ZBTB16: variants seen among roughly 807,000 people sequenced by gnomAD.
ZBTB16 encodes the protein zinc finger and BTB domain containing 16.
Under a neutral mutation model 56.8 loss-of-function variants are expected in ZBTB16, and 8 were observed. The observed-to-expected ratio is 0.14, with a 90% CI of 0.08 to 0.25. ZBTB16 has a LOEUF of 0.25. Ranked by LOEUF, ZBTB16 falls within the 10% of genes least tolerant of loss-of-function variation. The pLI is 1.00. For missense variants in ZBTB16, 625 were observed against 903.0 expected (o/e 0.69, Z 3.95); for synonymous variants, 363 against 368.5 (o/e 0.98, Z 0.17).
intron 2 of ZBTB16, among the ~76,000 whole-genome samples, chr11:114,142,154 T>C (rs1941967129): frequency 6.6e-6 from 1 of 152,218 alleles, no homozygotes; most frequent in Non-Finnish European, 1.5e-5. Flanking sequence ...CATTATGAGG[T>C]TGTCTTTGCC....
In ZBTB16 at chr11:114,156,392, C is replaced by T. The variant is rs1171750312; in HGVS notation, c.1324C>T (p.Leu442=). 1.2e-6 allele frequency: 2 copies of T among 1,614,236 alleles called. No homozygotes were observed. Among genetic ancestry groups the T allele is most frequent in the South Asian group, 1.1e-5 (1 of 91,090 alleles). The change falls in exon 3 of 7, where the codon CTG becomes TTG. Residue 442 remains leucine (L), a synonymous_variant. Transcript: ENST00000335953. ...GTGCGAGCTCTGCGGGAAGCGGTTC[C>T]TGGATAGTTTGCGGCTGAGAATGCA... ...YGCELCGKRF[L]DSLRLRMHLL...
chr11:114,065,551 G>A (rs1380049315), intron 2 of ZBTB16, among the ~76,000 whole-genome samples: 3 of 152,144 alleles, frequency 2.0e-5, no homozygotes, highest in African/African-American at 4.8e-5. Flanking sequence ...CGAGTAGCTC[G>A]GATTACAGGC....
intron 3 of ZBTB16, among the ~76,000 whole-genome samples, chr11:114,183,042 C>T (rs552091632): frequency 3.7e-4 from 57 of 152,286 alleles, no homozygotes; most frequent in African/African-American, 1.1e-3. Context: ...TTGTCTGTCT[C>T]GCTCGGCTCC....
chr11:114,061,334 G>GT (rs1938851594), intron 1 of ZBTB16: 1 of 152,224 alleles, frequency 6.6e-6, no homozygotes, highest in Non-Finnish European at 1.5e-5. Context: ...TTGTTTCAGG[G>GT]CGCCAAGCTT....
intron 2 of ZBTB16, among the ~76,000 whole-genome samples, chr11:114,109,422 C>G (rs1940922177): frequency 6.6e-6 from 1 of 152,182 alleles, no homozygotes; most frequent in Non-Finnish European, 1.5e-5. Flanking sequence ...CAGCCAGGCT[C>G]TGTCCGCCAT....
intron 3 of ZBTB16, among the ~76,000 whole-genome samples, chr11:114,183,235 G>A (rs1447802665): frequency 6.6e-6 from 1 of 152,160 alleles, no homozygotes; most frequent in African/African-American, 2.4e-5. Context: ...TGAGGACAGG[G>A]GCTTTCACAT....
At chr11:114,133,156 C>T (rs183206125) in intron 2 of ZBTB16, among the ~76,000 whole-genome samples, 29 of 152,194 alleles carry the variant, frequency 1.9e-4, no homozygotes, top group African/African-American at 6.5e-4. Flanking sequence ...CCCTTCTTCA[C>T]AAAATTGACT....
intron 2 of ZBTB16, among the ~76,000 whole-genome samples, chr11:114,077,901 A>G (rs1010787042): frequency 2.0e-5 from 3 of 152,190 alleles, no homozygotes; most frequent in East Asian, 1.9e-4. Context: ...TTATCTTCCT[A>G]TATCAGCCCC....
chr11:114,072,350 T>TA (rs1939378685), intron 2 of ZBTB16, among the ~76,000 whole-genome samples: 1 of 152,198 alleles, frequency 6.6e-6, no homozygotes, highest in African/African-American at 2.4e-5. Context: ...AGTTCTCGTT[T>TA]AAATTTAGCC....
At chr11:114,085,559 G>T (rs1373804172) in intron 2 of ZBTB16, among the ~76,000 whole-genome samples, 2 of 152,146 alleles carry the variant, frequency 1.3e-5, no homozygotes, top group Non-Finnish European at 2.9e-5. Context: ...TTATATAAGT[G>T]AGGTATGGGG....
At chr11:114,067,977 C>A (rs1038061276) in intron 2 of ZBTB16, among the ~76,000 whole-genome samples, 2 of 150,092 alleles carry the variant, frequency 1.3e-5, no homozygotes, top group Non-Finnish European at 1.5e-5. Flanking sequence ...CTGTCTCCCC[C>A]CAACCCATCA....
chr11:114,255,797 G>C lies in ZBTB16; in HGVS notation c.*5242G>C, dbSNP rs2135230797. Reference sequence around the variant, plus strand: ...TTTTTCTCTCTCCATGTGTCACTAAGTGAAGTTTGTGCCTTCTATAGCAAA... The same window carrying C: ...TTTTTCTCTCTCCATGTGTCACTAACTGAAGTTTGTGCCTTCTATAGCAAA... On this transcript the variant is annotated 3_prime_UTR_variant, in exon 7 of 7. Transcript: ENST00000335953. 6.6e-6 allele frequency among the ~76,000 whole-genome samples: 1 copy of C among 151,112 alleles called. No individual in the cohort carries two copies. The highest frequency in any genetic ancestry group is 2.1e-4 in the South Asian group (1 of 4,786).
intron 2 of ZBTB16, among the ~76,000 whole-genome samples, chr11:114,093,866 A>T (rs188359896): frequency 5.3e-4 from 81 of 152,318 alleles, no homozygotes; most frequent in African/African-American, 1.7e-3. Context: ...ACAACATGTC[A>T]TATGCAACTG....
At chr11:114,072,279 T>A (rs1565609192) in intron 2 of ZBTB16, among the ~76,000 whole-genome samples, 1 of 152,250 alleles carries the variant, frequency 6.6e-6, no homozygotes, top group Non-Finnish European at 1.5e-5. Context: ...AGCTGATCTC[T>A]TGTACTGTGG....
intron 2 of ZBTB16, among the ~76,000 whole-genome samples, chr11:114,135,566 C>G (rs554458684): frequency 6.6e-6 from 1 of 152,118 alleles, no homozygotes; most frequent in African/African-American, 2.4e-5. Flanking sequence ...AGCCTCTAGA[C>G]ACTGAACAAG....
intron 2 of ZBTB16, among the ~76,000 whole-genome samples, chr11:114,098,140 A>T (rs937699236): frequency 6.6e-6 from 1 of 152,114 alleles, no homozygotes; most frequent in African/African-American, 2.4e-5. Flanking sequence ...TTTTATTCAC[A>T]TGAAAATTTA....
At chr11:114,235,745 T>C (rs892654660) in intron 4 of ZBTB16, among the ~76,000 whole-genome samples, 2 of 149,726 alleles carry the variant, frequency 1.3e-5, no homozygotes, top group African/African-American at 2.5e-5. Flanking sequence ...TTTTCTTTTC[T>C]TTCCTTCCTT....
intron 4 of ZBTB16, among the ~76,000 whole-genome samples, chr11:114,223,319 C>T (rs540733613): frequency 3.9e-4 from 60 of 152,274 alleles, no homozygotes; most frequent in Non-Finnish European, 7.1e-4. Flanking sequence ...ACCTAACAAT[C>T]GCACGTATTA....
intron 2 of ZBTB16, among the ~76,000 whole-genome samples, chr11:114,152,596 C>T (rs1565653997): frequency 1.3e-5 from 2 of 152,134 alleles, no homozygotes; most frequent in Non-Finnish European, 2.9e-5. Context: ...TGAGTCTGTT[C>T]CCCAGGAATG....
Sources: allele counts gnomAD v4.1 joint callset (sites outside exome capture counted in the v4.1 genomes callset), GRCh38; gene constraint gnomAD v4.1.1; transcripts MANE v1.5; gene names NCBI Gene and HGNC (gene_info 2026-07-23, HGNC 2026-07-21).